The following CADPS2 variants were observed in gnomAD, a reference collection of about 807,000 sequenced individuals.
CADPS2 encodes the protein calcium dependent secretion activator 2.
CADPS2 carries 93 observed loss-of-function variants against 172.5 expected under a neutral mutation model. The ratio of observed to expected loss-of-function variants is 0.54; its 90% CI spans 0.46 to 0.64. CADPS2 has a LOEUF of 0.64. CADPS2 is among the 30% of genes least tolerant of loss of function. The probability of loss-of-function intolerance (pLI) is 0.00; values close to 1 mark genes in which losing one functional copy is unlikely to be tolerated. For missense variants in CADPS2, 1,420 were observed against 1,565.9 expected, an observed-to-expected ratio of 0.91 and a Z score of 1.57; for synonymous variants, 546 against 555.2, an observed-to-expected ratio of 0.98 and a Z score of 0.23.
At chr7:122,575,688 C>T (rs780559698) in intron 7 of CADPS2, among the ~76,000 whole-genome samples, 3 of 152,088 alleles carry the variant, frequency 2.0e-5, no homozygotes, top group Non-Finnish European at 4.4e-5. Flanking sequence ...CTGCCTGCCT[C>T]GGCCTCCCAA....
At chr7:122,855,995 C>A (rs1216496875) in intron 1 of CADPS2, among the ~76,000 whole-genome samples, 1 of 152,150 alleles carries the variant, frequency 6.6e-6, no homozygotes, top group Non-Finnish European at 1.5e-5. Flanking sequence ...GGGGTGCTCC[C>A]TGTCCATAAG....
In CADPS2 at chr7:122,735,430, G is replaced by T. The variant is rs2092082534; in HGVS notation, c.453+1525C>A. On this transcript the variant is annotated intron_variant, in intron 2 of 29. Transcript: ENST00000449022. ...GCCCAGAAGAGAACATAATCCTCAT[G>T]TAGAACACAATGGGGATACTCTCTC... Among the ~76,000 whole-genome samples, 3 of 152,068 alleles carry T rather than the reference G, an allele frequency of 2.0e-5. No individual in the cohort carries two copies. In the South Asian group the frequency reaches 6.2e-4, roughly 31 times the overall value.
At chr7:122,484,747 G>A (rs1053296440) in intron 11 of CADPS2, among the ~76,000 whole-genome samples, 4 of 151,346 alleles carry the variant, frequency 2.6e-5, no homozygotes, top group South Asian at 2.1e-4. Flanking sequence ...TGCAAATCAC[G>A]TATCTGACAA....
chr7:122,611,788 T>C (rs183823506), intron 6 of CADPS2, among the ~76,000 whole-genome samples: 37 of 152,174 alleles, frequency 2.4e-4, no homozygotes, highest in African/African-American at 7.9e-4. Flanking sequence ...ATATCTCTTA[T>C]GAATATAGAG....
intron 2 of CADPS2, chr7:122,698,726 T>C (rs1418744862): frequency 6.2e-7 from 1 of 1,613,542 alleles, no homozygotes; most frequent in African/African-American, 1.3e-5. Context: ...AAAGTGGAGC[T>C]TCTTCCAAAG....
At chr7:122,666,454 C>T (rs551088693) in intron 2 of CADPS2, among the ~76,000 whole-genome samples, 2 of 151,682 alleles carry the variant, frequency 1.3e-5, no homozygotes, top group South Asian at 2.1e-4. Flanking sequence ...GGCAATTCTG[C>T]TGCCTCAGCC....
At chr7:122,697,670 A>G in intron 2 of CADPS2, 1 of 808,524 alleles carries the variant, frequency 1.2e-6, no homozygotes, top group Non-Finnish European at 1.9e-6. Context: ...GAATGTATAA[A>G]ATTACTGAAG....
intron 7 of CADPS2, among the ~76,000 whole-genome samples, chr7:122,556,302 TA>T (rs10706365): frequency 0.011 from 1,690 of 152,212 alleles, 31 homozygotes; most frequent in African/African-American, 0.038. Flanking sequence ...CAAAAAAGAA[TA>T]AAAGACTAAG....
chr7:122,797,163 A>C (rs984172512), intron 1 of CADPS2, among the ~76,000 whole-genome samples: 1 of 152,212 alleles, frequency 6.6e-6, no homozygotes, highest in South Asian at 2.1e-4. Context: ...ATATCATCTT[A>C]TATCAGTCAA....
At chr7:122,446,309 T>C (rs2052190923) in intron 15 of CADPS2, among the ~76,000 whole-genome samples, 1 of 152,220 alleles carries the variant, frequency 6.6e-6, no homozygotes. Context: ...GTCTTGTTGA[T>C]GTCTAGATAT....
chr7:122,556,925 T>C (rs2065102754), intron 7 of CADPS2, among the ~76,000 whole-genome samples: 1 of 152,156 alleles, frequency 6.6e-6, no homozygotes, highest in Admixed American at 6.6e-5. Flanking sequence ...AATGGTTTCC[T>C]GATTTAGTTA....
chr7:122,539,675 GA>G (rs1280573698), intron 8 of CADPS2, among the ~76,000 whole-genome samples: 4 of 151,776 alleles, frequency 2.6e-5, no homozygotes. Flanking sequence ...GTCATAAAGG[GA>G]AAAAAATGAG....
intron 9 of CADPS2, among the ~76,000 whole-genome samples, chr7:122,496,036 G>T (rs1183619869): frequency 6.6e-6 from 1 of 152,030 alleles, no homozygotes; most frequent in Non-Finnish European, 1.5e-5. Flanking sequence ...TTTTGCCAGA[G>T]ATTTATTCAC....
chr7:122,471,629 C>A, intron 13 of CADPS2, 67 bp from the exon 14 acceptor site: 1 of 1,374,670 alleles, frequency 7.3e-7, no homozygotes, highest in Non-Finnish European at 9.8e-7. Flanking sequence ...CTTTCCTGAA[C>A]GCACTTTTAG....
intron 1 of CADPS2, among the ~76,000 whole-genome samples, chr7:122,739,382 T>C (rs1257498987): frequency 6.6e-6 from 1 of 152,328 alleles, no homozygotes; most frequent in East Asian, 1.9e-4. Flanking sequence ...TTTTGTTCTT[T>C]AAAACTCTTC....
chr7:122,417,573 T>C (rs886848702), intron 17 of CADPS2, among the ~76,000 whole-genome samples: 2 of 152,188 alleles, frequency 1.3e-5, no homozygotes, highest in African/African-American at 4.8e-5. Context: ...ATCTGTTTCA[T>C]GAACATTTCA....
intron 3 of CADPS2, among the ~76,000 whole-genome samples, chr7:122,645,532 ATATATATACT>A (rs2078402448): frequency 7.5e-6 from 1 of 132,716 alleles, no homozygotes; most frequent in African/African-American, 2.7e-5. Context: ...ATATAAGTAT[ATATATATACT>A]TATATATATA....
At chr7:122,777,781 C>G (rs1298703757) in intron 1 of CADPS2, among the ~76,000 whole-genome samples, 2 of 152,078 alleles carry the variant, frequency 1.3e-5, no homozygotes, top group Non-Finnish European at 2.9e-5. Context: ...TTTCCTGAGG[C>G]CTCCTAGCCC....
intron 9 of CADPS2, among the ~76,000 whole-genome samples, chr7:122,493,644 A>G (rs1299176411): frequency 6.6e-6 from 1 of 152,042 alleles, no homozygotes; most frequent in Non-Finnish European, 1.5e-5. Context: ...TCTATGATAT[A>G]CTTACGTTTT....
Sources: allele counts gnomAD v4.1 joint callset (sites outside exome capture counted in the v4.1 genomes callset), GRCh38; gene constraint gnomAD v4.1.1; transcripts MANE v1.5; gene names NCBI Gene and HGNC (gene_info 2026-07-23, HGNC 2026-07-21).